AOPEP: variants seen among roughly 807,000 people sequenced by gnomAD.
AOPEP encodes aminopeptidase O.
A neutral mutation model predicts 98.1 loss-of-function variants in AOPEP; 77 were observed. The observed-to-expected ratio is 0.78, with a 90% CI of 0.65 to 0.95. AOPEP has a LOEUF of 0.95. Ranked by LOEUF, AOPEP falls within the 40% of genes least tolerant of loss-of-function variation. The probability of loss-of-function intolerance (pLI) is 0.00; values close to 1 mark genes in which losing one functional copy is unlikely to be tolerated. For synonymous variants in AOPEP, 346 were observed against 365.3 expected, an observed-to-expected ratio of 0.95 and a Z score of 0.60; for missense variants, 1,024 against 1,024.7, an observed-to-expected ratio of 1.00 and a Z score of 0.01.
intron 7 of AOPEP, among the ~76,000 whole-genome samples, chr9:94,937,998 C>T (rs1359113439): frequency 1.3e-5 from 2 of 152,106 alleles, no homozygotes; most frequent in East Asian, 1.9e-4. Context: ...CTCAGCCTCC[C>T]GAGTAGCTGG....
chr9:94,982,408 C>G (rs569005316), intron 11 of AOPEP, among the ~76,000 whole-genome samples: 1 of 152,076 alleles, frequency 6.6e-6, no homozygotes. Flanking sequence ...GAGAGCAGCC[C>G]GCTGTGTGTC....
chr9:94,978,132 G>C (rs1204182526), intron 10 of AOPEP, among the ~76,000 whole-genome samples: 1 of 152,110 alleles, frequency 6.6e-6, no homozygotes, highest in African/African-American at 2.4e-5. Flanking sequence ...CCACAGGGTC[G>C]CAGAGGGGTG....
intron 1 of AOPEP, among the ~76,000 whole-genome samples, chr9:94,743,211 G>GGAAGAAGAGGAAGAAGAAGAGGAA (rs546486407): frequency 1.0e-3 from 149 of 146,374 alleles, no homozygotes; most frequent in African/African-American, 3.5e-3. Context: ...AGGAAGAAGA[G>GGAAGAAGAGGAAGAAGAAGAGGAA]GAAGAAGAGG....
intron 1 of AOPEP, among the ~76,000 whole-genome samples, chr9:94,732,186 A>G (rs1830701973): frequency 6.6e-6 from 1 of 152,038 alleles, no homozygotes; most frequent in South Asian, 2.1e-4. Context: ...GGATGTAAGC[A>G]ACTTCTAGAA....
intron 13 of AOPEP, among the ~76,000 whole-genome samples, chr9:95,034,238 T>C (rs1056959301): frequency 1.9e-4 from 29 of 152,260 alleles, no homozygotes; most frequent in Non-Finnish European, 2.9e-5. Flanking sequence ...TTGCTTCCAC[T>C]TTATTTTTAC....
At chr9:94,730,925 G>C (rs1016561066) in intron 1 of AOPEP, among the ~76,000 whole-genome samples, 2 of 152,128 alleles carry the variant, frequency 1.3e-5, no homozygotes, top group African/African-American at 4.8e-5. Context: ...GTCTTGTAAT[G>C]TTAAAGAAAA....
chr9:95,016,772 C>T (rs927971255), intron 13 of AOPEP, among the ~76,000 whole-genome samples: 4 of 149,058 alleles, frequency 2.7e-5, no homozygotes, highest in Non-Finnish European at 4.5e-5. Flanking sequence ...ACCACCATGT[C>T]AGCTTTTTTT....
intron 6 of AOPEP, among the ~76,000 whole-genome samples, chr9:94,926,874 G>T (rs767988168): frequency 5.9e-5 from 9 of 152,208 alleles, no homozygotes; most frequent in Non-Finnish European, 1.0e-4. Flanking sequence ...AGAGGCATCC[G>T]CAGGGATTTG....
the AOPEP span, among the ~76,000 whole-genome samples, chr9:95,104,448 CTCTGTGCTCCTGAGGGT>C: frequency 6.6e-6 from 1 of 152,152 alleles, no homozygotes; most frequent in Non-Finnish European, 1.5e-5. Flanking sequence ...CACTGGGGCC[CTCTGTGCTCCTGAGGGT>C]TCCCGTGTGG....
At chr9:95,098,743 A>AAGAG in the AOPEP span, among the ~76,000 whole-genome samples, 1 of 152,182 alleles carries the variant, frequency 6.6e-6, no homozygotes, top group Admixed American at 6.5e-5. Flanking sequence ...GGGATCAGGG[A>AAGAG]AGAGACAGAA....
chr9:94,861,973 T>G (rs1399475653), intron 5 of AOPEP, among the ~76,000 whole-genome samples: 2 of 152,218 alleles, frequency 1.3e-5, no homozygotes, highest in Non-Finnish European at 2.9e-5. Flanking sequence ...AACAACGGCT[T>G]TGTTTATGAA....
At chr9:95,077,205 C>T (rs2069163923) in intron 14 of AOPEP, among the ~76,000 whole-genome samples, 1 of 152,216 alleles carries the variant, frequency 6.6e-6, no homozygotes, top group African/African-American at 2.4e-5. Flanking sequence ...CCAGCATCTG[C>T]TTTCCTAGGC....
chr9:94,799,429 T>C (rs1277147242), intron 4 of AOPEP, among the ~76,000 whole-genome samples: 1 of 148,966 alleles, frequency 6.7e-6, no homozygotes, highest in East Asian at 2.0e-4. Flanking sequence ...AGGCTGGATG[T>C]GGCATGGCAA....
chr9:94,847,122 C>T (rs2042950346), intron 5 of AOPEP, among the ~76,000 whole-genome samples: 1 of 34,912 alleles, frequency 2.9e-5, no homozygotes, highest in African/African-American at 6.2e-5. Context: ...TGGTGGTTCC[C>T]TTTGTACACA....
chr9:94,942,904 CAAAAA>C lies in AOPEP; in HGVS notation c.1662-12254_1662-12250del, dbSNP rs35186299. 3.6e-5 allele frequency among the ~76,000 whole-genome samples: 3 copies of C among 82,806 alleles called. 1 individual carries two copies. 54.3% of individuals were successfully genotyped at this position (82,806 alleles called of 152,430 possible). On this transcript the variant is annotated intron_variant, in intron 7 of 16. Coordinates refer to ENST00000375315, the MANE Select transcript of AOPEP (RefSeq NM_001193329.3). Reference sequence around the variant, plus strand: ...TAGGGGACACAGTGAGAGTCTGTCTCAAAAAAAAAAAAAAAAAAAAAAATCATTTA... The same window carrying C: ...TAGGGGACACAGTGAGAGTCTGTCTCAAAAAAAAAAAAAAAAAATCATTTA...
At chr9:94,838,146 C>T (rs1375988191) in intron 5 of AOPEP, among the ~76,000 whole-genome samples, 4 of 152,044 alleles carry the variant, frequency 2.6e-5, no homozygotes, top group Non-Finnish European at 2.9e-5. Context: ...GTAGCTGGGA[C>T]TACAGGCACC....
At chr9:95,001,529 C>T (rs920906711) in intron 11 of AOPEP, among the ~76,000 whole-genome samples, 6 of 152,138 alleles carry the variant, frequency 3.9e-5, no homozygotes, top group Non-Finnish European at 5.9e-5. Context: ...CTTCCAGTTT[C>T]TCTACACCCT....
intron 7 of AOPEP, among the ~76,000 whole-genome samples, chr9:94,929,882 A>G (rs2055012854): frequency 6.6e-6 from 1 of 152,236 alleles, no homozygotes; most frequent in African/African-American, 2.4e-5. Context: ...TGCCTTGTGC[A>G]TAGCCTGCCT....
At chr9:95,092,176 A>G in the AOPEP span, among the ~76,000 whole-genome samples, 127 of 152,300 alleles carry the variant, frequency 8.3e-4, no homozygotes, top group African/African-American at 3.0e-3. Context: ...TCTAGTCCCA[A>G]CAGCTTACAA....
Sources: gnomAD v4.1 joint callset for allele counts (sites outside exome capture counted in the v4.1 genomes callset) on GRCh38, gnomAD v4.1.1 for gene constraint, MANE v1.5 for transcripts, NCBI Gene and HGNC (gene_info 2026-07-23, HGNC 2026-07-21) for gene names.